The following NRXN3 variants were observed in gnomAD, a reference collection of about 807,000 sequenced individuals.
NRXN3 encodes neurexin III.
Under a neutral mutation model 137.6 loss-of-function variants are expected in NRXN3, and 32 were observed. That is an observed-to-expected ratio of 0.23 (90% confidence interval 0.18 to 0.31). The LOEUF is 0.31. Ranked by LOEUF, NRXN3 falls within the 10% of genes least tolerant of loss-of-function variation. The probability of loss-of-function intolerance (pLI) is 1.00; values close to 1 mark genes in which losing one functional copy is unlikely to be tolerated. For missense variants in NRXN3, 1,574 were observed against 2,062.5 expected (o/e 0.76, Z 4.59); for synonymous variants, 798 against 784.5 (o/e 1.02, Z -0.29).
rs149898427 is a variant in NRXN3 at position 78,344,259 on chromosome 14, G to A, written c.757+46399G>A. On this transcript the variant is annotated intron_variant, in intron 4 of 20. Coordinates refer to ENST00000335750, the MANE Select transcript of NRXN3 (RefSeq NM_001330195.2). ...GTTCAGCACCAGAATTTAAGCAGCT[G>A]GTGGACAAGACTTATCCTTGGAACA... 4.9e-3 allele frequency among the ~76,000 whole-genome samples: 749 copies of A among 152,272 alleles called. 9 individuals are homozygous for A. Among genetic ancestry groups the A allele is most frequent in the African/African-American group, 0.017 (715 of 41,550 alleles).
Position 78,701,699 on chromosome 14 carries a change from T to A in NRXN3, c.1222-7518T>A, listed in dbSNP as rs544581640. Among the ~76,000 whole-genome samples the A allele has an allele frequency of 8.5e-5, 13 of 152,344 alleles. No individual in the cohort carries two copies. In the South Asian group the frequency reaches 2.7e-3, roughly 32 times the overall value. On this transcript the variant is annotated intron_variant, in intron 6 of 20. Transcript: ENST00000335750. Reference sequence around the variant, plus strand: ...TTTGTTTGACCCATAGAGTGTTGGATCACATAGAATTTTTAAAAATTAATT... The same window carrying A: ...TTTGTTTGACCCATAGAGTGTTGGAACACATAGAATTTTTAAAAATTAATT...
intron 4 of NRXN3, among the ~76,000 whole-genome samples, chr14:78,364,917 T>G (rs2085683543): frequency 6.6e-6 from 1 of 152,130 alleles, no homozygotes; most frequent in Non-Finnish European, 1.5e-5. Flanking sequence ...CGATACAAAC[T>G]CATCCACCAC....
intron 3 of NRXN3, chr14:78,282,981 A>C (rs554884023): frequency 6.6e-6 from 1 of 152,344 alleles, no homozygotes; most frequent in Non-Finnish European, 1.5e-5. Flanking sequence ...TACTCATTAA[A>C]GTTTGAGCCA....
chr14:79,269,599 G>C (rs781520842), intron 15 of NRXN3, among the ~76,000 whole-genome samples: 10 of 152,060 alleles, frequency 6.6e-5, no homozygotes, highest in African/African-American at 2.4e-4. Context: ...CTGTCCCACG[G>C]TTCTCAGGCT....
At chr14:78,916,179 T>A (rs2099254933) in intron 10 of NRXN3, among the ~76,000 whole-genome samples, 1 of 152,132 alleles carries the variant, frequency 6.6e-6, no homozygotes, top group Admixed American at 6.5e-5. Context: ...AGGGGCACTA[T>A]TAATAATTAC....
At chr14:78,710,635 G>A (rs938430177) in intron 7 of NRXN3, among the ~76,000 whole-genome samples, 4 of 152,136 alleles carry the variant, frequency 2.6e-5, no homozygotes, top group African/African-American at 9.7e-5. Context: ...GTCTCTATTT[G>A]GATATTTTCT....
chr14:79,830,850 C>A (rs2099321092), intron 20 of NRXN3, among the ~76,000 whole-genome samples: 1 of 121,188 alleles, frequency 8.3e-6, no homozygotes, highest in Non-Finnish European at 1.7e-5. Flanking sequence ...ACTTTGTGAA[C>A]TTTTATTTGG....
chr14:78,728,157 T>C (rs533429581), intron 8 of NRXN3, among the ~76,000 whole-genome samples: 1 of 152,364 alleles, frequency 6.6e-6, no homozygotes, highest in East Asian at 1.9e-4. Flanking sequence ...ACCTTTGGGC[T>C]GGTCCTTTGT....
chr14:79,103,214 G>A (rs1250424891), intron 15 of NRXN3, among the ~76,000 whole-genome samples: 2 of 152,132 alleles, frequency 1.3e-5, no homozygotes, highest in Non-Finnish European at 2.9e-5. Context: ...GGACTTTAGA[G>A]GTTATATGCA....
chr14:79,136,958 C>A (rs1449257677), intron 15 of NRXN3, among the ~76,000 whole-genome samples: 3 of 152,158 alleles, frequency 2.0e-5, no homozygotes, highest in Non-Finnish European at 2.9e-5. Context: ...ACAGAATTCT[C>A]ATTCTGGAAA....
intron 8 of NRXN3, among the ~76,000 whole-genome samples, chr14:78,787,500 G>A (rs1055494549): frequency 6.6e-6 from 1 of 152,088 alleles, no homozygotes; most frequent in African/African-American, 2.4e-5. Flanking sequence ...AAGGTAATAG[G>A]TATAAAAATC....
chr14:79,014,058 C>G (rs972368609), intron 15 of NRXN3, among the ~76,000 whole-genome samples: 1 of 152,086 alleles, frequency 6.6e-6, no homozygotes, highest in African/African-American at 2.4e-5. Flanking sequence ...ACTAAAGTGG[C>G]CTGAGAAGTA....
intron 16 of NRXN3, among the ~76,000 whole-genome samples, chr14:79,608,475 C>T (rs1382885544): frequency 6.6e-6 from 1 of 152,146 alleles, no homozygotes; most frequent in East Asian, 1.9e-4. Flanking sequence ...CATCTTCTTT[C>T]TTCAGTTAAA....
At chr14:79,185,111 A>T (rs774404429) in intron 15 of NRXN3, among the ~76,000 whole-genome samples, 40 of 152,206 alleles carry the variant, frequency 2.6e-4, no homozygotes, top group Non-Finnish European at 5.4e-4. Flanking sequence ...TCATTCTAAT[A>T]AGCTATTTTT....
intron 15 of NRXN3, 65 bp from the exon 16 acceptor site, chr14:79,467,156 G>C: frequency 6.7e-7 from 1 of 1,486,572 alleles, no homozygotes; most frequent in Non-Finnish European, 9.2e-7. Context: ...GGTCTCAACA[G>C]TGTGCTACAG....
intron 15 of NRXN3, among the ~76,000 whole-genome samples, chr14:79,111,451 A>G (rs1336339971): frequency 6.6e-6 from 1 of 152,114 alleles, no homozygotes; most frequent in African/African-American, 2.4e-5. Context: ...AAAGTTTATT[A>G]ACAAGGGCTG....
Position 78,990,398 on chromosome 14 carries a change from T to A in NRXN3, c.3262+2257T>A, listed in dbSNP as rs141077559. The stretch of plus-strand genomic sequence containing the variant: ...TTTTTTTTTTTTTTGAGACGGAGTC[T>A]CATTCTGCTATTGCCCGGGCTGGAG... On this transcript the variant is annotated intron_variant, in intron 15 of 20. Coordinates refer to ENST00000335750, the MANE Select transcript of NRXN3 (RefSeq NM_001330195.2). Among the ~76,000 whole-genome samples, 1,222 of 131,702 alleles carry A rather than the reference T, an allele frequency of 9.3e-3. 9 individuals carry two copies. Among genetic ancestry groups the A allele is most frequent in the Non-Finnish European group, 0.015 (945 of 64,866 alleles). The allele number at this position is 131,702 out of a possible 152,430, so 86.4% of individuals were successfully genotyped here.
intron 20 of NRXN3, among the ~76,000 whole-genome samples, chr14:79,852,296 C>CT (rs1244379582): frequency 7.3e-6 from 1 of 137,296 alleles, no homozygotes; most frequent in Non-Finnish European, 1.6e-5. Context: ...ACATGCTTTC[C>CT]TTCTAATTGG....
chr14:79,018,526 C>T (rs78978758), intron 15 of NRXN3, among the ~76,000 whole-genome samples: 1,894 of 152,142 alleles, frequency 0.012, 19 homozygotes, highest in Admixed American at 0.022. Context: ...CCATTATGAT[C>T]TTTTTATTCT....
Sources: allele counts gnomAD v4.1 joint callset (sites outside exome capture counted in the v4.1 genomes callset), GRCh38; gene constraint gnomAD v4.1.1; transcripts MANE v1.5; gene names NCBI Gene and HGNC (gene_info 2026-07-23, HGNC 2026-07-21).